The following DNM2 variants were observed in gnomAD, a reference collection of about 807,000 sequenced individuals.
DNM2 encodes the protein dynamin 2.
DNM2 carries 15 observed loss-of-function variants against 99.0 expected under a neutral mutation model. The observed-to-expected ratio is 0.15, with a 90% CI of 0.10 to 0.23. The LOEUF is 0.23. DNM2 is among the 10% of genes least tolerant of loss of function. DNM2 has a pLI of 1.00. For synonymous variants in DNM2, 525 were observed against 481.2 expected, an observed-to-expected ratio of 1.09 and a Z score of -1.19; for missense variants, 742 against 1,189.4, an observed-to-expected ratio of 0.62 and a Z score of 5.53.
chr19:10,730,705 C>T (rs892329965), intron 1 of DNM2, among the ~76,000 whole-genome samples: 6 of 152,270 alleles, frequency 3.9e-5, no homozygotes, highest in African/African-American at 9.6e-5. Flanking sequence ...GGCTGGGCAG[C>T]GTGGGTGTCT....
chr19:10,828,941 G>A (rs1333562373), intron 18 of DNM2, 95 bp from the exon 19 acceptor site: 1 of 1,314,660 alleles, frequency 7.6e-7, no homozygotes, highest in South Asian at 1.3e-5. Context: ...GTCTGGGGGT[G>A]GCCCCGCCCT....
At chr19:10,801,211 C>A (rs1281339015) in intron 11 of DNM2, among the ~76,000 whole-genome samples, 1 of 152,088 alleles carries the variant, frequency 6.6e-6, no homozygotes, top group African/African-American at 2.4e-5. Context: ...AAGACTGAGG[C>A]AGGAGAATTG....
rs996285541 is a variant in DNM2, at chr19:10,727,427, G to A, written c.161+9024G>A. Among the ~76,000 whole-genome samples the A allele has an allele frequency of 2.0e-5, 3 of 151,898 alleles. No individual in the cohort carries two copies. The East Asian group carries it at 5.8e-4, about 29-fold the overall frequency. On this transcript the variant is annotated intron_variant, in intron 1 of 20. Coordinates refer to ENST00000389253, the MANE Select transcript of DNM2 (RefSeq NM_001005361.3). ...GTTGCCTAGGCTGAAATGCAGTGGC[G>A]TGATCACAGCTCACAGCAACCTCAA...
At chr19:10,726,483 C>T (rs975372271) in intron 1 of DNM2, among the ~76,000 whole-genome samples, 6 of 152,258 alleles carry the variant, frequency 3.9e-5, no homozygotes, top group African/African-American at 9.6e-5. Flanking sequence ...CATGCAGGCA[C>T]GCCCTGTTCC....
rs377115407 is a variant in DNM2, at chr19:10,811,740, T to C, written c.1558-524T>C. On this transcript the variant is annotated intron_variant, in intron 14 of 20. Transcript: ENST00000389253. This position sits in a 1 kb window ranked among gnomAD's most constrained non-coding sequence, Gnocchi z 5.4. Reference sequence around the variant, plus strand: ...GCTACAGCCACACAATCCCCATCCATGGGGTCTCCCAGCCTGAAACCCTGA... The same window carrying C: ...GCTACAGCCACACAATCCCCATCCACGGGGTCTCCCAGCCTGAAACCCTGA... 190 of 518,630 alleles carry C rather than the reference T, an allele frequency of 3.7e-4. No homozygotes were observed. The highest frequency in any genetic ancestry group is 3.3e-3 in the African/African-American group (173 of 52,064). The allele number at this position is 518,630 out of a possible 1,614,324, so 32.1% of individuals were successfully genotyped here. A position where few individuals can be genotyped will look rare whatever the true frequency, so the allele number is the denominator to read the frequency against.
intron 5 of DNM2, among the ~76,000 whole-genome samples, chr19:10,780,042 G>T (rs140374146): frequency 2.2e-3 from 335 of 152,118 alleles, no homozygotes; most frequent in Non-Finnish European, 3.7e-3. Flanking sequence ...ATGCTTAGCC[G>T]CAGTCATTTA....
At chr19:10,790,546 C>T (rs185799505) in intron 7 of DNM2, among the ~76,000 whole-genome samples, 44 of 152,218 alleles carry the variant, frequency 2.9e-4, no homozygotes, top group Admixed American at 1.8e-3. Context: ...GATCTCAGCT[C>T]ACTGCAACCT....
rs555847531 is a variant in DNM2, at chr19:10,811,339, C to A, written c.1558-925C>A. On this transcript the variant is annotated intron_variant, in intron 14 of 20. Coordinates refer to ENST00000389253, the MANE Select transcript of DNM2 (RefSeq NM_001005361.3). The surrounding 1 kb of genome is among the most constrained non-coding windows in gnomAD (Gnocchi z 5.4). ...CGGATGAAGCCCCTCCAGAGGACCG[C>A]CCCCGACTAGGACAGCATCTGGGCC... 13 of 223,940 alleles carry A rather than the reference C, an allele frequency of 5.8e-5. No homozygotes were observed. In the East Asian group the frequency reaches 1.6e-3, roughly 28 times the overall value. The allele number at this position is 223,940 out of a possible 1,614,324, so 13.9% of individuals were successfully genotyped here. A position where few individuals can be genotyped will look rare whatever the true frequency, so the allele number is the denominator to read the frequency against.
chr19:10,754,390 C>T (rs1448629279), intron 1 of DNM2, among the ~76,000 whole-genome samples: 1 of 150,672 alleles, frequency 6.6e-6, no homozygotes, highest in Non-Finnish European at 1.5e-5. Flanking sequence ...GTAGCTGGGA[C>T]TACAGGCACC....
chr19:10,798,568 A>T lies in DNM2; in HGVS notation c.1418A>T (p.Asp473Val), dbSNP rs766613900. 12 of 1,614,084 alleles carry T rather than the reference A, an allele frequency of 7.4e-6. No individual in the cohort carries two copies. Among genetic ancestry groups the T allele is most frequent in the Non-Finnish European group, 1.0e-5 (12 of 1,180,044 alleles). ...CGGGAACGGGAGGGGAGAACGAAGG[A>T]CCAGGTACTGGCCTTTTGTCTTCTT... ...YIREREGRTKDQILLLIDIEQ... is the reference protein window; with the variant it reads ...YIREREGRTKVQILLLIDIEQ... The change falls in exon 11 of 21, where the codon GAC (aspartate) becomes GTC (valine). Residue 473 changes from aspartate (D) to valine (V), a missense_variant. Transcript: ENST00000389253.
At chr19:10,740,438 C>T (rs895404567) in intron 1 of DNM2, among the ~76,000 whole-genome samples, 6 of 151,492 alleles carry the variant, frequency 4.0e-5, no homozygotes, top group Non-Finnish European at 8.8e-5. Context: ...TGCAGTGGCA[C>T]GATCTTGGCT....
intron 1 of DNM2, among the ~76,000 whole-genome samples, chr19:10,751,789 C>A (rs1319519962): frequency 6.6e-6 from 1 of 152,226 alleles, no homozygotes; most frequent in East Asian, 1.9e-4. Flanking sequence ...CAGGCTGTGC[C>A]CTCCTGTGCC....
intron 1 of DNM2, among the ~76,000 whole-genome samples, chr19:10,739,909 T>C (rs968498922): frequency 6.7e-6 from 1 of 149,494 alleles, no homozygotes; most frequent in African/African-American, 2.5e-5. Context: ...TGAAGCCACC[T>C]GGGCCTGGAC....
chr19:10,780,754 C>T (rs1833946862), intron 5 of DNM2, among the ~76,000 whole-genome samples: 1 of 152,028 alleles, frequency 6.6e-6, no homozygotes, highest in Non-Finnish European at 1.5e-5. Context: ...ACAGCAAGAC[C>T]CCATCTCTCT....
At chr19:10,760,548 G>A (rs757277033) in intron 2 of DNM2, among the ~76,000 whole-genome samples, 31 of 152,054 alleles carry the variant, frequency 2.0e-4, no homozygotes, top group Non-Finnish European at 3.7e-4. Context: ...TCAGCATGTC[G>A]CCAGTTGTCC....
rs1201489640 is a variant in DNM2 at position 10,805,974 on chromosome 19, C to T, written c.1545+7C>T. On this transcript the variant is annotated splice_region_variant and intron_variant, in intron 13 of 20. Coordinates refer to ENST00000389253, the MANE Select transcript of DNM2 (RefSeq NM_001005361.3). ...GAGAGCCATCCCCAATCAGGTAGCA[C>T]ACCCCTCTGCAGTCTCCCGCTCTAC... The T allele has an allele frequency of 6.2e-7, 1 of 1,614,160 alleles. No individual in the cohort carries two copies. Among genetic ancestry groups the T allele is most frequent in the Non-Finnish European group, 8.5e-7 (1 of 1,180,026 alleles).
chr19:10,778,069 C>T (rs1263317115), intron 5 of DNM2, among the ~76,000 whole-genome samples: 1 of 149,078 alleles, frequency 6.7e-6, no homozygotes, highest in Non-Finnish European at 1.5e-5. Flanking sequence ...GACGGAGTCT[C>T]TGTTGCCCAG....
rs1027210639 is a variant in DNM2, at chr19:10,818,847, G to A, written c.1672-1133G>A. Reference sequence around the variant, plus strand: ...CCTCTGAAGTCCTGCTGTGGCTTGCGCTGCCTGCCGTGTGGCCTTCGGCAG... The same window carrying A: ...CCTCTGAAGTCCTGCTGTGGCTTGCACTGCCTGCCGTGTGGCCTTCGGCAG... On this transcript the variant is annotated intron_variant, in intron 15 of 20. Transcript: ENST00000389253. The surrounding 1 kb of genome is among the most constrained non-coding windows in gnomAD (Gnocchi z 4.3). 1.1e-4 allele frequency among the ~76,000 whole-genome samples: 17 copies of A among 152,178 alleles called. 1 individual carries two copies. The highest frequency in any genetic ancestry group is 4.1e-4 in the South Asian group (2 of 4,830).
intron 1 of DNM2, among the ~76,000 whole-genome samples, chr19:10,742,919 T>C (rs967912532): frequency 6.7e-6 from 1 of 149,972 alleles, no homozygotes; most frequent in Non-Finnish European, 1.5e-5. Flanking sequence ...CTTTCTTTTT[T>C]TTTTTTTTTT....
Sources: allele counts gnomAD v4.1 joint callset (sites outside exome capture counted in the v4.1 genomes callset), GRCh38; gene constraint gnomAD v4.1.1; non-coding constraint Gnocchi (gnomAD v3.1); transcripts MANE v1.5; gene names NCBI Gene and HGNC (gene_info 2026-07-23, HGNC 2026-07-21).